ASAP1: variants seen among roughly 807,000 people sequenced by gnomAD.
The protein encoded by ASAP1 is ArfGAP with SH3 domain, ankyrin repeat and PH domain 1.
ASAP1 carries 43 observed loss-of-function variants against 145.2 expected under a neutral mutation model. The ratio of observed to expected loss-of-function variants is 0.30; its 90% confidence interval spans 0.23 to 0.38. The LOEUF (loss-of-function observed/expected upper bound fraction) is 0.38. Ranked by LOEUF, ASAP1 falls within the 10% of genes least tolerant of loss-of-function variation. The probability of loss-of-function intolerance (pLI) is 1.00; values close to 1 mark genes in which losing one functional copy is unlikely to be tolerated. For missense variants in ASAP1, 1,018 were observed against 1,355.3 expected (o/e 0.75, Z 3.91); for synonymous variants, 546 against 515.5 (o/e 1.06, Z -0.80).
intron 29 of ASAP1, among the ~76,000 whole-genome samples, chr8:130,057,223 T>C (rs2135009469): frequency 6.6e-6 from 1 of 152,212 alleles, no homozygotes; most frequent in South Asian, 2.1e-4. Flanking sequence ...CTGGGGACAG[T>C]GTGGAATGGT....
chr8:130,260,740 T>C (rs969904616), intron 3 of ASAP1, among the ~76,000 whole-genome samples: 17 of 152,136 alleles, frequency 1.1e-4, no homozygotes, highest in African/African-American at 4.1e-4. Flanking sequence ...CCAGGGTCTG[T>C]CTCTATGTGC....
At chr8:130,280,622 T>C (rs1009343596) in intron 3 of ASAP1, among the ~76,000 whole-genome samples, 40 of 152,158 alleles carry the variant, frequency 2.6e-4, no homozygotes, top group Non-Finnish European at 2.4e-4. Flanking sequence ...CAAAAGGCAA[T>C]AGAAAAGAGG....
At chr8:130,391,388 T>G (rs1828277707) in intron 2 of ASAP1, among the ~76,000 whole-genome samples, 1 of 152,232 alleles carries the variant, frequency 6.6e-6, no homozygotes, top group Non-Finnish European at 1.5e-5. Flanking sequence ...AATGTGAACA[T>G]ACTTAATGCC....
intron 3 of ASAP1, among the ~76,000 whole-genome samples, chr8:130,356,543 A>C (rs1826320261): frequency 6.6e-6 from 1 of 152,138 alleles, no homozygotes; most frequent in South Asian, 2.1e-4. Flanking sequence ...GACAAAAAAA[A>C]AGAAAAAAGA....
intron 1 of ASAP1, among the ~76,000 whole-genome samples, chr8:130,404,891 A>T (rs938982778): frequency 1.3e-5 from 2 of 152,102 alleles, no homozygotes; most frequent in Non-Finnish European, 2.9e-5. Flanking sequence ...ATATGTCTCC[A>T]TAGCCGCTGT....
intron 2 of ASAP1, among the ~76,000 whole-genome samples, chr8:130,397,707 G>T (rs531205838): frequency 6.6e-6 from 1 of 152,172 alleles, no homozygotes; most frequent in Non-Finnish European, 1.5e-5. Flanking sequence ...ACTGATGTGG[G>T]AACTTTTCCC....
chr8:130,124,164 C>T, intron 17 of ASAP1, 60 bp from the exon 18 acceptor site: 3 of 1,184,526 alleles, frequency 2.5e-6, no homozygotes, highest in Non-Finnish European at 2.4e-6. Context: ...AGTTAAAAGT[C>T]TCCTATTATT....
At chr8:130,406,475 CT>C (rs200416384) in intron 1 of ASAP1, among the ~76,000 whole-genome samples, 5,732 of 138,068 alleles carry the variant, frequency 0.042, 97 homozygotes, top group Middle Eastern at 0.086. Flanking sequence ...TACTTTAGTT[CT>C]TTTTTTTTTT....
intron 18 of ASAP1, among the ~76,000 whole-genome samples, chr8:130,119,734 A>C (rs920426155): frequency 6.6e-6 from 1 of 152,146 alleles, no homozygotes; most frequent in East Asian, 1.9e-4. Context: ...CTTTGGATTA[A>C]ATCTTTTAGT....
intron 3 of ASAP1, among the ~76,000 whole-genome samples, chr8:130,258,327 C>T (rs534502493): frequency 6.6e-6 from 1 of 152,344 alleles, no homozygotes; most frequent in African/African-American, 2.4e-5. Context: ...TGTTTACACC[C>T]ATTGCCCTGG....
chr8:130,127,794 T>C (rs2097577291), intron 16 of ASAP1, 133 bp downstream of exon 16: 1 of 1,005,664 alleles, frequency 9.9e-7, no homozygotes, highest in Non-Finnish European at 1.4e-6. Context: ...AAAATCACGT[T>C]GGGAATACGT....
chr8:130,179,456 C>A, intron 8 of ASAP1, 107 bp from the exon 9 acceptor site: 1 of 672,070 alleles, frequency 1.5e-6, no homozygotes, highest in South Asian at 1.8e-5. Flanking sequence ...AGTTACCAAG[C>A]CTTGGTGTCC....
At chr8:130,340,608 CT>C (rs1306996890) in intron 3 of ASAP1, among the ~76,000 whole-genome samples, 8 of 152,134 alleles carry the variant, frequency 5.3e-5, no homozygotes, top group Non-Finnish European at 7.4e-5. Flanking sequence ...TCCACATCTC[CT>C]TTTTAAAAAG....
chr8:130,379,269 G>A (rs937531220), intron 2 of ASAP1, among the ~76,000 whole-genome samples: 3 of 152,116 alleles, frequency 2.0e-5, no homozygotes, highest in Admixed American at 6.6e-5. Flanking sequence ...CCCTAGCATC[G>A]CTTCTATTGG....
chr8:130,137,407 A>C (rs772372712), intron 13 of ASAP1, among the ~76,000 whole-genome samples: 2 of 152,198 alleles, frequency 1.3e-5, no homozygotes, highest in Non-Finnish European at 2.9e-5. Flanking sequence ...CCTCACTTCC[A>C]ATGAACAGTC....
chr8:130,126,876 G>C (rs185613268), intron 16 of ASAP1, among the ~76,000 whole-genome samples: 4 of 152,264 alleles, frequency 2.6e-5, no homozygotes, highest in Admixed American at 2.6e-4. Flanking sequence ...AGAATACCAG[G>C]TTTGCATCCT....
chr8:130,292,387 G>A (rs2137314439), intron 3 of ASAP1, among the ~76,000 whole-genome samples: 1 of 152,258 alleles, frequency 6.6e-6, no homozygotes, highest in South Asian at 2.1e-4. Context: ...ATATGAATGA[G>A]GAACCAATTA....
chr8:130,185,900 G>C (rs1565065069), intron 7 of ASAP1, among the ~76,000 whole-genome samples: 1 of 152,066 alleles, frequency 6.6e-6, no homozygotes, highest in South Asian at 2.1e-4. Context: ...TCAGCCAACA[G>C]AGATTTAAAA....
At chr8:130,235,192 TA>T (rs1310244213) in intron 4 of ASAP1, among the ~76,000 whole-genome samples, 5 of 152,184 alleles carry the variant, frequency 3.3e-5, no homozygotes, top group Non-Finnish European at 2.9e-5. Flanking sequence ...GGGTGTGTAG[TA>T]GTCTATTATA....
Sources: gnomAD v4.1 joint callset for allele counts (sites outside exome capture counted in the v4.1 genomes callset) on GRCh38, gnomAD v4.1.1 for gene constraint, MANE v1.5 for transcripts, NCBI Gene and HGNC (gene_info 2026-07-23, HGNC 2026-07-21) for gene names.